SEPHS1: variants seen among roughly 807,000 people sequenced by gnomAD.
SEPHS1 encodes the protein selenophosphate synthetase 1.
A neutral mutation model predicts 39.2 loss-of-function variants in SEPHS1; 7 were observed. The observed-to-expected ratio is 0.18, with a 90% CI of 0.10 to 0.34. The LOEUF (loss-of-function observed/expected upper bound fraction) is 0.34. Ranked by LOEUF, SEPHS1 falls within the 10% of genes least tolerant of loss-of-function variation. The pLI is 1.00. For synonymous variants in SEPHS1, 190 were observed against 195.5 expected (o/e 0.97, Z 0.23); for missense variants, 253 against 514.5 (o/e 0.49, Z 4.92).
rs753897686 is a variant in SEPHS1 at position 13,322,984 on chromosome 10, A to C, written c.815T>G (p.Leu272Trp). Residue 272 changes from leucine to tryptophan, a missense_variant, in exon 8 of 9, where the codon TTG becomes TGG. By Grantham distance (61) the Leu-to-Trp change is moderately conservative. This residue lies in a region of SEPHS1 where 107 missense variants were observed against 257.1 expected (regional missense o/e 0.42). Coordinates refer to ENST00000327347, the MANE Select transcript of SEPHS1 (RefSeq NM_012247.5). The part of the protein sequence containing the change: ...AATDITGFGI[L>W]GHAQNLAKQQ... ...CTTGGCCAGGTTCTGCGCATGGCCC[A>C]AAATCCCGAAGCCCGTGATGTCAGT... 4 of 1,614,106 alleles carry C rather than the reference A, an allele frequency of 2.5e-6. No homozygotes were observed. Among genetic ancestry groups the C allele is most frequent in the Non-Finnish European group, 3.4e-6 (4 of 1,179,994 alleles).
At chr10:13,320,525 G>A (rs1416705988) in intron 8 of SEPHS1, among the ~76,000 whole-genome samples, 1 of 151,306 alleles carries the variant, frequency 6.6e-6, no homozygotes, top group Non-Finnish European at 1.5e-5. Flanking sequence ...AGGAAAAACT[G>A]TAGTCTACTT....
At position 13,322,062 on chromosome 10, in the gene SEPHS1, A is replaced by C. The variant is rs373402883; in HGVS notation, c.964+773T>G. 15 of 455,954 alleles carry C rather than the reference A, an allele frequency of 3.3e-5. No individual in the cohort carries two copies. In the East Asian group the frequency reaches 9.7e-4, roughly 30 times the overall value. The allele number at this position is 455,954 out of a possible 1,614,324, so 28.2% of individuals were successfully genotyped here. A position where few individuals can be genotyped will look rare whatever the true frequency, so the allele number is the denominator to read the frequency against. The stretch of plus-strand genomic sequence containing the variant: ...TATGTTTCCTCTAATAAATTACTGC[A>C]CATCTAAGAAAAAAGAAAAATGGCA... On this transcript the variant is annotated intron_variant, in intron 8 of 8. Coordinates refer to ENST00000327347, the MANE Select transcript of SEPHS1 (RefSeq NM_012247.5).
chr10:13,344,820 G>T lies in SEPHS1; in HGVS notation c.131C>A (p.Ser44Tyr), dbSNP rs764177751. The T allele has an allele frequency of 3.1e-6, 5 of 1,604,140 alleles. No homozygotes were observed. The South Asian group carries it at 5.6e-5, about 18-fold the overall frequency. ...PQDVLQKLLE[S>Y]LQENHFQEDE... ...TTCTTGGAAGTGGTTCTCCTGTAAA[G>T]ATTCCAGCAATTTTTGCAGGACATC... The change falls in exon 2 of 9, where the codon TCT becomes TAT. Residue 44 changes from serine (S) to tyrosine (Y), a missense_variant. Ser to Tyr is a moderately radical substitution (Grantham distance 144, BLOSUM62 -2). Around this residue, in one of 4 missense-constraint regions of SEPHS1, gnomAD observed 123 missense variants for 196.8 expected, o/e 0.62. Transcript: ENST00000327347.
At chr10:13,327,611 T>C (rs1187779811) in intron 7 of SEPHS1, among the ~76,000 whole-genome samples, 2 of 152,218 alleles carry the variant, frequency 1.3e-5, no homozygotes, top group African/African-American at 4.8e-5. Flanking sequence ...TTTCTAAACA[T>C]AGTGTGCCAT....
intron 6 of SEPHS1, among the ~76,000 whole-genome samples, chr10:13,328,714 A>T (rs1833379023): frequency 6.6e-6 from 1 of 152,084 alleles, no homozygotes; most frequent in African/African-American, 2.4e-5. Flanking sequence ...GTCTAGCGGG[A>T]CACACGGCGG....
rs114935720 is a variant in SEPHS1 at position 13,346,509 on chromosome 10, G to A, written c.-78-1481C>T. On this transcript the variant is annotated intron_variant, in intron 1 of 8. Coordinates refer to ENST00000327347, the MANE Select transcript of SEPHS1 (RefSeq NM_012247.5). ...TGGGAAACGTAACAACTGAGCAGGA[G>A]TCAGCCTTCGAACACGATTCCAAGA... Among the ~76,000 whole-genome samples, 1,415 of 152,236 alleles carry A rather than the reference G, an allele frequency of 9.3e-3. 18 individuals carry two copies. Among genetic ancestry groups the A allele is most frequent in the African/African-American group, 0.033 (1,350 of 41,534 alleles).
In SEPHS1 at chr10:13,318,728, A is replaced by G. The variant is rs1833015029; in HGVS notation, c.*414T>C. On this transcript the variant is annotated 3_prime_UTR_variant, in exon 9 of 9. Transcript: ENST00000327347. ...ACCAATGCTGTCTCTCCAGAAAACCATTCAAGACGCTTAAAAAAAAAAATC... is the reference window on the plus strand; with the variant it reads ...ACCAATGCTGTCTCTCCAGAAAACCGTTCAAGACGCTTAAAAAAAAAAATC... 5.3e-6 allele frequency: 1 copy of G among 190,334 alleles called. No homozygotes were observed. Among genetic ancestry groups the G allele is most frequent in the African/African-American group, 2.4e-5 (1 of 41,638 alleles). 11.8% of individuals were successfully genotyped at this position (190,334 alleles called of 1,614,324 possible).
chr10:13,347,654 C>T (rs1420667310), intron 1 of SEPHS1, among the ~76,000 whole-genome samples: 1 of 146,776 alleles, frequency 6.8e-6, no homozygotes, highest in Non-Finnish European at 1.5e-5. Context: ...CCGCTCCCGC[C>T]GCGCGCACGG....
intron 5 of SEPHS1, among the ~76,000 whole-genome samples, chr10:13,331,440 C>T (rs1254291619): frequency 2.0e-5 from 3 of 151,980 alleles, no homozygotes; most frequent in African/African-American, 7.2e-5. Context: ...GGCTGGAGTA[C>T]AGTGGCACGA....
At chr10:13,343,628 AC>A (rs1300411729) in intron 2 of SEPHS1, among the ~76,000 whole-genome samples, 4 of 151,808 alleles carry the variant, frequency 2.6e-5, no homozygotes, top group African/African-American at 7.3e-5. Flanking sequence ...AGCCTGGCCA[AC>A]ATGGTAAAAC....
chr10:13,324,479 T>A (rs1466987835), intron 7 of SEPHS1, among the ~76,000 whole-genome samples: 1 of 152,248 alleles, frequency 6.6e-6, no homozygotes, highest in Non-Finnish European at 1.5e-5. Context: ...CATCATATAA[T>A]AACATATTTA....
chr10:13,330,827 CTTTT>C (rs976524461), intron 5 of SEPHS1, among the ~76,000 whole-genome samples: 3 of 148,672 alleles, frequency 2.0e-5, no homozygotes, highest in African/African-American at 4.9e-5. Flanking sequence ...AGTTGATGTT[CTTTT>C]TTTTTAAATT....
chr10:13,322,778 G>A (rs774176224), intron 8 of SEPHS1, 57 bp downstream of exon 8: 33 of 1,533,006 alleles, frequency 2.2e-5, no homozygotes, highest in South Asian at 1.9e-4. Context: ...CTGCTTTCTC[G>A]CTGAGCTTTC....
At chr10:13,320,347 A>G (rs1338383320) in intron 8 of SEPHS1, among the ~76,000 whole-genome samples, 1 of 151,688 alleles carries the variant, frequency 6.6e-6, no homozygotes, top group Non-Finnish European at 1.5e-5. Flanking sequence ...ACACCCGGCT[A>G]ATTTTTTGTA....
rs1363950547 is a variant in SEPHS1 at position 13,318,057 on chromosome 10, G to T, written c.*1085C>A. On this transcript the variant is annotated 3_prime_UTR_variant, in exon 9 of 9. Transcript: ENST00000327347. ...ACGCTTCTAAAATAATACTAAAAGG[G>T]GCATCTGATTATACAAGAGCAATTT... 6.6e-6 allele frequency: 1 copy of T among 151,974 alleles called. No individual in the cohort carries two copies. Among genetic ancestry groups the T allele is most frequent in the African/African-American group, 2.4e-5 (1 of 41,350 alleles). 9.4% of individuals were successfully genotyped at this position (151,974 alleles called of 1,614,324 possible). A position where few individuals can be genotyped will look rare whatever the true frequency, so the allele number is the denominator to read the frequency against.
Position 13,344,782 on chromosome 10 carries a change from G to C in SEPHS1, c.169C>G (p.Leu57Val). The C allele has an allele frequency of 6.5e-7, 1 of 1,549,642 alleles. No homozygotes were observed. The highest frequency in any genetic ancestry group is 8.8e-7 in the Non-Finnish European group (1 of 1,142,272). ...CCAAGCCTTGGCATAACGGCTCCCAGAAACTGCTCATCTTCTTGGAAGTGG... is the reference window on the plus strand; with the variant it reads ...CCAAGCCTTGGCATAACGGCTCCCACAAACTGCTCATCTTCTTGGAAGTGG... Reference protein sequence around the residue: ...ENHFQEDEQFLGAVMPRLGIG... With the variant: ...ENHFQEDEQFVGAVMPRLGIG... Residue 57 changes from leucine (L) to valine (V), a missense_variant, in exon 2 of 9, where the codon CTG (leucine) becomes GTG (valine). Physicochemically the swap from Leu to Val is conservative, Grantham distance 32 (BLOSUM62 1). Transcript: ENST00000327347.
intron 2 of SEPHS1, among the ~76,000 whole-genome samples, chr10:13,342,639 TGTG>T (rs894757944): frequency 1.3e-5 from 2 of 152,182 alleles, no homozygotes; most frequent in African/African-American, 4.8e-5. Flanking sequence ...CATATATACT[TGTG>T]TACAGAGGGT....
chr10:13,345,555 T>C (rs1158762550), intron 1 of SEPHS1: 5 of 152,372 alleles, frequency 3.3e-5, no homozygotes, highest in African/African-American at 1.2e-4. Flanking sequence ...ATCCTTATTT[T>C]AGAAAAACAC....
chr10:13,341,966 C>A (rs1833797830), intron 2 of SEPHS1, among the ~76,000 whole-genome samples: 1 of 127,436 alleles, frequency 7.8e-6, no homozygotes, highest in African/African-American at 2.9e-5. Context: ...TGGAGTGAGA[C>A]TCTATCTCAA....
Sources: allele counts gnomAD v4.1 joint callset (sites outside exome capture counted in the v4.1 genomes callset), GRCh38; gene constraint gnomAD v4.1.1; regional missense constraint gnomAD v4.1.1; transcripts MANE v1.5; gene names NCBI Gene and HGNC (gene_info 2026-07-23, HGNC 2026-07-21).